The following TNRC18 variants were observed in gnomAD, a reference collection of about 807,000 sequenced individuals.
TNRC18 encodes trinucleotide repeat containing 18, also known as trinucleotide repeat-containing gene 18 protein.
TNRC18 carries 69 observed loss-of-function variants against 226.7 expected under a neutral mutation model. That is an observed-to-expected ratio of 0.30 (90% CI 0.25 to 0.37). The LOEUF (loss-of-function observed/expected upper bound fraction) is 0.37, where lower values mean the gene tolerates loss of function less well. Ranked by LOEUF, TNRC18 falls within the 10% of genes least tolerant of loss-of-function variation. The pLI, the probability that TNRC18 is intolerant of heterozygous loss-of-function variation, is 1.00. For synonymous variants in TNRC18, 2,449 were observed against 1,927.6 expected (o/e 1.27, Z -7.09); for missense variants, 4,754 against 4,256.6 (o/e 1.12, Z -3.25).
In TNRC18 at chr7:5,324,310, C is replaced by T; in HGVS notation, c.6346G>A (p.Ala2116Thr). The change falls in exon 21 of 30, where the codon GCA becomes ACA. Residue 2116 changes from alanine to threonine, a missense_variant. Coordinates refer to ENST00000430969, the MANE Select transcript of TNRC18 (RefSeq NM_001080495.3). This position sits in a 1 kb window ranked among gnomAD's most constrained non-coding sequence, Gnocchi z 4.8. ...GAVSKLMESM[A>T]AEEDFEPNQD... is the part of the protein sequence containing the mutation. ...TTGGGTTCAAAGTCCTCCTCGGCTG[C>T]CATGCTCTCCATCAGCTTGCTCACG... 6.2e-7 allele frequency: 1 copy of T among 1,613,614 alleles called. No homozygotes were observed. The highest frequency in any genetic ancestry group is 8.5e-7 in the Non-Finnish European group (1 of 1,179,724).
At position 5,345,575 on chromosome 7, in the gene TNRC18, C is replaced by A; in HGVS notation, c.5706G>T (p.Arg1902=). ...GCTGCCACTTACCCAGCAGGCTCTG[C>A]CGCTCCTCTTTCTTCCGGGCCTTCT... is the stretch of plus-strand genomic sequence containing the variant. ...AKQKARKKEE[R]QSLLGTEFEY... Residue 1902 remains arginine, a synonymous_variant, in exon 18 of 30, where the codon CGG becomes CGT. Coordinates refer to ENST00000430969, the MANE Select transcript of TNRC18 (RefSeq NM_001080495.3). 1 of 1,498,238 alleles carries A rather than the reference C, an allele frequency of 6.7e-7. No individual in the cohort carries two copies. Among genetic ancestry groups the A allele is most frequent in the Non-Finnish European group, 9.0e-7 (1 of 1,115,142 alleles). 92.8% of individuals were successfully genotyped at this position (1,498,238 alleles called of 1,614,324 possible).
chr7:5,376,481 G>T (rs1794692311), intron 8 of TNRC18, among the ~76,000 whole-genome samples: 1 of 152,192 alleles, frequency 6.6e-6, no homozygotes, highest in African/African-American at 2.4e-5. Context: ...AACCAGAGCA[G>T]GTCAGCACGC....
At chr7:5,338,752 C>G (rs1455336515) in intron 18 of TNRC18, among the ~76,000 whole-genome samples, 1 of 151,554 alleles carries the variant, frequency 6.6e-6, no homozygotes, top group Non-Finnish European at 1.5e-5. Context: ...GAAACCCCGT[C>G]TCTACTGAAA....
chr7:5,349,735 A>C (rs983351985), intron 17 of TNRC18, among the ~76,000 whole-genome samples: 1 of 152,226 alleles, frequency 6.6e-6, no homozygotes, highest in Non-Finnish European at 1.5e-5. Context: ...TCAAAGCGTC[A>C]TGGGGAGGGG....
intron 2 of TNRC18, among the ~76,000 whole-genome samples, chr7:5,407,722 C>T (rs1781570428): frequency 6.6e-6 from 1 of 152,240 alleles, no homozygotes; most frequent in Admixed American, 6.5e-5. Flanking sequence ...TATGCAAATA[C>T]GTCCATCTCA....
intron 10 of TNRC18, among the ~76,000 whole-genome samples, chr7:5,373,301 G>C (rs73055879): frequency 0.065 from 9,820 of 152,148 alleles, 361 homozygotes; most frequent in South Asian, 0.14. Flanking sequence ...TACAAGCTGG[G>C]GCAACAGAGT....
At chr7:5,374,624 T>C in intron 9 of TNRC18, 140 bp from the exon 10 acceptor site, 2 of 813,210 alleles carry the variant, frequency 2.5e-6, no homozygotes, top group Non-Finnish European at 3.7e-6. Flanking sequence ...GCCCACCCCG[T>C]CCCAGGCCAG....
At chr7:5,346,807 G>A (rs1054380034) in intron 17 of TNRC18, among the ~76,000 whole-genome samples, 1 of 152,244 alleles carries the variant, frequency 6.6e-6, no homozygotes, top group Non-Finnish European at 1.5e-5. Flanking sequence ...GGGGTCCAGA[G>A]AGAATCATTT....
chr7:5,402,705 C>T (rs964612749), intron 2 of TNRC18, among the ~76,000 whole-genome samples: 2 of 151,572 alleles, frequency 1.3e-5, no homozygotes, highest in Non-Finnish European at 2.9e-5. Flanking sequence ...AATATAAAAA[C>T]TAGCCGGGCG....
chr7:5,359,361 G>C (rs750540018), intron 15 of TNRC18, 37 bp downstream of exon 15: 3 of 1,611,272 alleles, frequency 1.9e-6, no homozygotes, highest in African/African-American at 2.7e-5. Context: ...ACACCTCCCT[G>C]AAAGATCTCA....
intron 2 of TNRC18, among the ~76,000 whole-genome samples, chr7:5,402,251 A>T (rs1039165298): frequency 6.7e-6 from 1 of 148,324 alleles, no homozygotes; most frequent in Non-Finnish European, 1.5e-5. Context: ...AATTTTTTTT[A>T]GGCCAGGCAC....
In TNRC18 at chr7:5,377,248, G is replaced by C. The variant is rs965949863; in HGVS notation, c.2461+123C>G. On this transcript the variant is annotated intron_variant, in intron 7 of 29. Transcript: ENST00000430969. This position sits in a 1 kb window ranked among gnomAD's most constrained non-coding sequence, Gnocchi z 5.8. ...TATCATTCCTTCTTCCGACGAATGC[G>C]GGAGGCAGGCCCAGGCCCCCCAGGA... 7 of 1,171,220 alleles carry C rather than the reference G, an allele frequency of 6.0e-6. No individual in the cohort carries two copies. The African/African-American group carries it at 6.2e-5, about 10-fold the overall frequency. 72.6% of individuals were successfully genotyped at this position (1,171,220 alleles called of 1,614,324 possible).
chr7:5,326,317 T>C (rs1328666814), intron 19 of TNRC18, among the ~76,000 whole-genome samples: 4 of 152,114 alleles, frequency 2.6e-5, no homozygotes, highest in Non-Finnish European at 1.5e-5. Flanking sequence ...ACATGACTGA[T>C]ACATATGAAA....
At chr7:5,328,271 C>T (rs1185287080) in intron 19 of TNRC18, among the ~76,000 whole-genome samples, 2 of 152,066 alleles carry the variant, frequency 1.3e-5, no homozygotes, top group African/African-American at 4.8e-5. Context: ...GCCTGTAATC[C>T]CAACGCTTCG....
intron 16 of TNRC18, among the ~76,000 whole-genome samples, chr7:5,356,627 AC>A (rs910970555): frequency 6.6e-6 from 1 of 152,320 alleles, no homozygotes; most frequent in African/African-American, 2.4e-5. Context: ...GGCGGGCAAG[AC>A]AGGGCCGGCG....
rs1211373364 is a variant in TNRC18 at position 5,320,388 on chromosome 7, T to A, written c.6675A>T (p.Pro2225=). The A allele has an allele frequency of 6.4e-7, 1 of 1,562,254 alleles. No homozygotes were observed. Among genetic ancestry groups the A allele is most frequent in the Non-Finnish European group, 8.7e-7 (1 of 1,153,096 alleles). The part of the protein sequence containing the change: ...DVRPASTRFL[P]QGTRIAAYWS... ...AGTAGGCTGCAATCCTGGTCCCTTG[T>A]GGCAAGAAGCGAGTGGAGGCTGGCC... The change falls in exon 24 of 30, where the codon CCA becomes CCT. Residue 2225 remains proline (P), a synonymous_variant. Transcript: ENST00000430969.
intron 19 of TNRC18, among the ~76,000 whole-genome samples, chr7:5,329,161 A>G (rs1259337033): frequency 6.6e-6 from 1 of 151,962 alleles, no homozygotes; most frequent in Non-Finnish European, 1.5e-5. Flanking sequence ...AAGTGAGCCG[A>G]GCATGGTGGT....
intron 18 of TNRC18, among the ~76,000 whole-genome samples, chr7:5,342,205 G>C (rs1273359228): frequency 6.6e-6 from 1 of 152,194 alleles, no homozygotes. Flanking sequence ...GAGGCAAGTG[G>C]ATCATTTGAG....
Position 5,388,078 on chromosome 7 carries a change from G to T in TNRC18, c.1746C>A (p.Ala582=), listed in dbSNP as rs1228133922. The T allele has an allele frequency of 3.9e-6, 6 of 1,554,784 alleles. No individual in the cohort carries two copies. The highest frequency in any genetic ancestry group is 5.2e-6 in the Non-Finnish European group (6 of 1,149,674). The change falls in exon 5 of 30, where the codon GCC becomes GCA. Residue 582 remains alanine, a synonymous_variant. Transcript: ENST00000430969. ...MHSAAHGSGE[A]SAMQSLIKYS... is the part of the protein sequence containing the mutation. ...ACTTTATAAGGCTCTGCATGGCCGA[G>T]GCCTCTCCAGACCCGTGGGCCGCAG...
Sources: allele counts gnomAD v4.1 joint callset (sites outside exome capture counted in the v4.1 genomes callset), GRCh38; gene constraint gnomAD v4.1.1; non-coding constraint Gnocchi (gnomAD v3.1); transcripts MANE v1.5; gene names NCBI Gene and HGNC (gene_info 2026-07-23, HGNC 2026-07-21).